KCNMB2: variants seen among roughly 807,000 people sequenced by gnomAD.
KCNMB2 encodes the protein potassium calcium-activated channel subfamily M regulatory beta subunit 2, also known as calcium-activated potassium channel subunit beta-2.
In KCNMB2, 9 loss-of-function variants were observed where a neutral mutation model predicts 24.5. The observed-to-expected ratio is 0.37, with a 90% CI of 0.22 to 0.64. The LOEUF is 0.64. KCNMB2 is among the 30% of genes least tolerant of loss of function. The pLI is 0.63. For missense variants in KCNMB2, 226 were observed against 284.3 expected (o/e 0.79, Z 1.47); for synonymous variants, 109 against 104.4 (o/e 1.04, Z -0.27).
At chr3:178,580,151 G>A (rs141038806) in intron 1 of KCNMB2, among the ~76,000 whole-genome samples, 2,938 of 152,256 alleles carry the variant, frequency 0.019, 41 homozygotes, top group Non-Finnish European at 0.03. Context: ...GAATCCATCA[G>A]CACATCAAAA....
intron 1 of KCNMB2, among the ~76,000 whole-genome samples, chr3:178,675,955 T>C (rs1351163546): frequency 2.0e-5 from 3 of 152,218 alleles, no homozygotes; most frequent in South Asian, 2.1e-4. Context: ...TCATAATTGT[T>C]CAAAATACTT....
intron 1 of KCNMB2, among the ~76,000 whole-genome samples, chr3:178,709,437 G>A (rs1158456046): frequency 6.6e-6 from 1 of 152,098 alleles, no homozygotes; most frequent in Non-Finnish European, 1.5e-5. Flanking sequence ...ACAGAAGATG[G>A]CATTTAATTT....
At chr3:178,605,193 G>A (rs895483072) in intron 1 of KCNMB2, among the ~76,000 whole-genome samples, 1 of 152,070 alleles carries the variant, frequency 6.6e-6, no homozygotes, top group African/African-American at 2.4e-5. Context: ...TCATGAATGG[G>A]ATTAAAGCCC....
At chr3:178,675,072 A>G (rs1262214543) in intron 1 of KCNMB2, among the ~76,000 whole-genome samples, 1 of 152,202 alleles carries the variant, frequency 6.6e-6, no homozygotes, top group Non-Finnish European at 1.5e-5. Context: ...ATTGCTTTTA[A>G]TCCTCAGCAC....
intron 1 of KCNMB2, among the ~76,000 whole-genome samples, chr3:178,728,280 C>T (rs6443569): frequency 0.48 from 72,685 of 151,900 alleles, 17,738 homozygotes; most frequent in African/African-American, 0.58. Context: ...ACAGTATTCA[C>T]ATCTTTAGAT....
At chr3:178,663,442 G>A (rs1214294556) in intron 1 of KCNMB2, among the ~76,000 whole-genome samples, 1 of 152,038 alleles carries the variant, frequency 6.6e-6, no homozygotes, top group Admixed American at 6.6e-5. Flanking sequence ...TTCCCATAAT[G>A]TTTTCTACAT....
intron 1 of KCNMB2, among the ~76,000 whole-genome samples, chr3:178,541,858 G>A (rs1035543663): frequency 1.3e-5 from 2 of 151,814 alleles, no homozygotes; most frequent in African/African-American, 4.8e-5. Flanking sequence ...AACCTTTTTC[G>A]ATTACCTACT....
chr3:178,804,892 T>C (rs751437743), intron 1 of KCNMB2, among the ~76,000 whole-genome samples: 1 of 152,238 alleles, frequency 6.6e-6, no homozygotes. Flanking sequence ...CTCATTCTTA[T>C]GAAGTAATTC....
intron 1 of KCNMB2, among the ~76,000 whole-genome samples, chr3:178,714,434 C>T (rs1193885017): frequency 6.6e-6 from 1 of 152,152 alleles, no homozygotes; most frequent in Non-Finnish European, 1.5e-5. Flanking sequence ...CCTGAGACAT[C>T]TGGGAAGCTT....
intron 1 of KCNMB2, among the ~76,000 whole-genome samples, chr3:178,794,225 T>C (rs1713441834): frequency 6.6e-6 from 1 of 152,032 alleles, no homozygotes. Flanking sequence ...GATGTCTGGG[T>C]CATTCTGTAG....
In KCNMB2 at chr3:178,561,190, T is replaced by C. The variant is rs1716303209; in HGVS notation, c.-68+24479T>C. The stretch of plus-strand genomic sequence containing the variant: ...CTCCATAAAATTTTAGTCATAAGGA[T>C]AATGTTATTTGAACAGGAACAAGAT... On this transcript the variant is annotated intron_variant, in intron 1 of 4. Coordinates refer to ENST00000452583, the MANE Select transcript of KCNMB2 (RefSeq NM_181361.3). Among the ~76,000 whole-genome samples, 5 of 152,192 alleles carry C rather than the reference T, an allele frequency of 3.3e-5. No individual in the cohort carries two copies. In the South Asian group the frequency reaches 1.0e-3, roughly 32 times the overall value.
intron 4 of KCNMB2, among the ~76,000 whole-genome samples, chr3:178,833,825 C>A (rs557762879): frequency 1.9e-4 from 29 of 152,282 alleles, no homozygotes; most frequent in South Asian, 1.9e-3. Flanking sequence ...ATGACCGAAG[C>A]TGTTTAAGCT....
intron 1 of KCNMB2, among the ~76,000 whole-genome samples, chr3:178,704,123 A>T (rs1238497982): frequency 2.0e-5 from 3 of 152,124 alleles, no homozygotes; most frequent in African/African-American, 7.2e-5. Context: ...TTTATTTAAA[A>T]TCTCCATCTT....
At chr3:178,746,247 GC>G (rs1253735062) in intron 1 of KCNMB2, among the ~76,000 whole-genome samples, 1 of 152,132 alleles carries the variant, frequency 6.6e-6, no homozygotes, top group East Asian at 1.9e-4. Context: ...CTGTGTACTG[GC>G]AGTCTCAATA....
intron 1 of KCNMB2, among the ~76,000 whole-genome samples, chr3:178,569,165 A>G (rs149932126): frequency 0.014 from 2,086 of 152,276 alleles, 24 homozygotes; most frequent in Non-Finnish European, 0.017. Context: ...AGGAATAAAT[A>G]GCCACCAGAA....
At chr3:178,656,307 C>T (rs9871964) in intron 1 of KCNMB2, among the ~76,000 whole-genome samples, 32,134 of 152,186 alleles carry the variant, frequency 0.21, 3,586 homozygotes, top group African/African-American at 0.27. Context: ...CTTTCTTTCA[C>T]TAGCTAGCAG....
intron 1 of KCNMB2, among the ~76,000 whole-genome samples, chr3:178,568,854 T>TAGATGATA (rs1553813618): frequency 4.3e-4 from 35 of 80,680 alleles, no homozygotes; most frequent in East Asian, 9.7e-4. Context: ...GATAGATAGA[T>TAGATGATA]GATAGATAGA....
chr3:178,834,687 A>G (rs938345114), intron 4 of KCNMB2, among the ~76,000 whole-genome samples: 20 of 152,140 alleles, frequency 1.3e-4, no homozygotes, highest in Non-Finnish European at 1.5e-5. Flanking sequence ...ATGCCCTGAA[A>G]TTTGGCATTT....
At chr3:178,786,636 T>A (rs1713110159) in intron 1 of KCNMB2, among the ~76,000 whole-genome samples, 1 of 152,168 alleles carries the variant, frequency 6.6e-6, no homozygotes, top group Admixed American at 6.6e-5. Flanking sequence ...TACCGAATAT[T>A]CATTTACGAG....
Sources: gnomAD v4.1 joint callset for allele counts (sites outside exome capture counted in the v4.1 genomes callset) on GRCh38, gnomAD v4.1.1 for gene constraint, MANE v1.5 for transcripts, NCBI Gene and HGNC (gene_info 2026-07-23, HGNC 2026-07-21) for gene names.